Variants in MAJIN observed in about 807,000 individuals in gnomAD.
The protein encoded by MAJIN is membrane-anchored junction protein.
A neutral mutation model predicts 30.2 loss-of-function variants in MAJIN; 27 were observed. The observed-to-expected ratio is 0.89, with a 90% CI of 0.66 to 1.23. The LOEUF (loss-of-function observed/expected upper bound fraction) is 1.23. Ranked by LOEUF, MAJIN falls within the 50% of genes most tolerant of loss-of-function variation. The pLI, the probability that MAJIN is intolerant of heterozygous loss-of-function variation, is 0.00. For synonymous variants in MAJIN, 78 were observed against 91.6 expected, an observed-to-expected ratio of 0.85 and a Z score of 0.85; for missense variants, 253 against 260.3, an observed-to-expected ratio of 0.97 and a Z score of 0.19.
At chr11:64,954,827 A>G in intron 3 of MAJIN, 25 bp from the exon 4 acceptor site, 1 of 1,590,442 alleles carries the variant, frequency 6.3e-7, no homozygotes, top group Non-Finnish European at 8.6e-7. Flanking sequence ...GACAAGAGAC[A>G]AGTAAGACAT....
chr11:64,959,401 C>G lies in MAJIN; in HGVS notation c.5G>C (p.Ser2Thr). M[S>T]LKPFTYPFPE... The stretch of plus-strand genomic sequence containing the variant: ...AAACGGGTAGGTAAAGGGTTTTAAA[C>G]TCATTGCTCCCAAACGATAGCCTAA... Residue 2 changes from serine (S) to threonine (T), a missense_variant, in exon 3 of 11, where the codon AGT becomes ACT. Ser to Thr is a moderately conservative substitution (Grantham distance 58, BLOSUM62 1). Coordinates refer to ENST00000301896, the MANE Select transcript of MAJIN (RefSeq NM_001037225.3). The G allele has an allele frequency of 1.2e-6, 2 of 1,612,114 alleles. No individual in the cohort carries two copies. Among genetic ancestry groups the G allele is most frequent in the Non-Finnish European group, 1.7e-6 (2 of 1,178,184 alleles).
chr11:64,964,960 T>C (rs1353765523), intron 1 of MAJIN, among the ~76,000 whole-genome samples: 1 of 152,184 alleles, frequency 6.6e-6, no homozygotes, highest in Non-Finnish European at 1.5e-5. Flanking sequence ...CATTTGCTTG[T>C]CATAAAGCTC....
chr11:64,959,217 T>G, intron 3 of MAJIN, 88 bp downstream of exon 3: 1 of 989,794 alleles, frequency 1.0e-6, no homozygotes, highest in Non-Finnish European at 1.6e-6. Flanking sequence ...TCTCCTGAAC[T>G]GGGTGAAGGT....
intron 1 of MAJIN, among the ~76,000 whole-genome samples, chr11:64,968,825 CT>C (rs1451920572): frequency 6.8e-6 from 1 of 147,676 alleles, no homozygotes; most frequent in Non-Finnish European, 1.5e-5. Flanking sequence ...GAGCGAGACT[CT>C]GTCTCAAAAA....
chr11:64,971,160 G>C (rs1375867014), intron 1 of MAJIN, among the ~76,000 whole-genome samples: 2 of 152,134 alleles, frequency 1.3e-5, no homozygotes, highest in Admixed American at 6.5e-5. Flanking sequence ...GGGTATGGTG[G>C]CGGGCACCTG....
intron 8 of MAJIN, among the ~76,000 whole-genome samples, chr11:64,944,258 C>A (rs1007702931): frequency 2.0e-5 from 3 of 152,236 alleles, no homozygotes; most frequent in Admixed American, 2.0e-4. Flanking sequence ...ATTCGGACTT[C>A]TCCAGTAACA....
intron 6 of MAJIN, among the ~76,000 whole-genome samples, chr11:64,948,629 ATATATATATATTTTTTTTTTTTTT>A (rs1945494884): frequency 2.4e-5 from 1 of 41,746 alleles, no homozygotes; most frequent in East Asian, 1.2e-3. Flanking sequence ...ATATATATAT[ATATATATATATTTTTTTTTTTTTT>A]TTTTTTTTTT....
chr11:64,940,009 C>T (rs1021367792), intron 9 of MAJIN: 19 of 403,372 alleles, frequency 4.7e-5, no homozygotes, highest in African/African-American at 3.5e-4. Flanking sequence ...TCCAGCCATG[C>T]ACTCTGGCTG....
chr11:64,941,039 C>CT (rs1491253333), intron 8 of MAJIN, among the ~76,000 whole-genome samples: 1 of 151,628 alleles, frequency 6.6e-6, no homozygotes, highest in Non-Finnish European at 1.5e-5. Flanking sequence ...AGGGTTTCAC[C>CT]GTGTTAGCCA....
chr11:64,956,683 A>C (rs1194313545), intron 3 of MAJIN, among the ~76,000 whole-genome samples: 1 of 149,984 alleles, frequency 6.7e-6, no homozygotes, highest in African/African-American at 2.4e-5. Flanking sequence ...GTTTTGTCAC[A>C]GGGTCAAAGA....
chr11:64,957,019 G>A (rs1304217652), intron 3 of MAJIN, among the ~76,000 whole-genome samples: 3 of 151,700 alleles, frequency 2.0e-5, no homozygotes, highest in East Asian at 1.9e-4. Flanking sequence ...CGCCTGCCTC[G>A]GCCTCCCAAA....
chr11:64,939,117 T>A (rs1036205240), intron 10 of MAJIN, among the ~76,000 whole-genome samples: 35 of 152,182 alleles, frequency 2.3e-4, no homozygotes, highest in African/African-American at 8.4e-4. Context: ...TTTATTTTTT[T>A]AATCTCGGCT....
At chr11:64,952,821 C>T (rs1945574619) in intron 4 of MAJIN, among the ~76,000 whole-genome samples, 1 of 152,184 alleles carries the variant, frequency 6.6e-6, no homozygotes, top group Non-Finnish European at 1.5e-5. Context: ...TCTCCTGCCT[C>T]AGCCTCCTGA....
At position 64,938,455 on chromosome 11, in the gene MAJIN, T is replaced by A; in HGVS notation, c.*120A>T. The A allele has an allele frequency of 6.8e-7, 1 of 1,461,420 alleles. No homozygotes were observed. The highest frequency in any genetic ancestry group is 9.3e-7 in the Non-Finnish European group (1 of 1,079,552). 90.5% of individuals were successfully genotyped at this position (1,461,420 alleles called of 1,614,324 possible). On this transcript the variant is annotated 3_prime_UTR_variant, in exon 11 of 11. Coordinates refer to ENST00000301896, the MANE Select transcript of MAJIN (RefSeq NM_001037225.3). Reference sequence around the variant, plus strand: ...AAGTGTCATAAGAAAAGGATAGAGTTGGAGGAAGAATGGCTCGGGAGGAGT... The same window carrying A: ...AAGTGTCATAAGAAAAGGATAGAGTAGGAGGAAGAATGGCTCGGGAGGAGT...
chr11:64,950,568 C>A, intron 4 of MAJIN, 138 bp from the exon 5 acceptor site: 1 of 714,368 alleles, frequency 1.4e-6, no homozygotes, highest in South Asian at 2.0e-5. Context: ...TGTTCTGATT[C>A]TCCATTTCTT....
At chr11:64,940,530 G>T in intron 9 of MAJIN, 44 bp downstream of exon 9, 1 of 1,568,244 alleles carries the variant, frequency 6.4e-7, no homozygotes. Flanking sequence ...CAAGGGAAAG[G>T]GTGATTATTA....
intron 6 of MAJIN, among the ~76,000 whole-genome samples, chr11:64,949,403 G>A (rs1348483279): frequency 6.6e-6 from 1 of 152,066 alleles, no homozygotes; most frequent in East Asian, 1.9e-4. Flanking sequence ...CTAATGGAAG[G>A]GTTTATATAA....
intron 1 of MAJIN, among the ~76,000 whole-genome samples, chr11:64,962,400 G>GT (rs1945741554): frequency 1.3e-5 from 2 of 152,184 alleles, no homozygotes; most frequent in African/African-American, 4.8e-5. Flanking sequence ...ATTTCACAGG[G>GT]TTATTTTCCA....
intron 9 of MAJIN, among the ~76,000 whole-genome samples, chr11:64,940,224 G>T (rs1214459657): frequency 6.6e-6 from 1 of 152,192 alleles, no homozygotes; most frequent in Non-Finnish European, 1.5e-5. Context: ...AAAGGGAAGA[G>T]ATCATTCTCC....
Sources: gnomAD v4.1 joint callset for allele counts (sites outside exome capture counted in the v4.1 genomes callset) on GRCh38, gnomAD v4.1.1 for gene constraint, MANE v1.5 for transcripts, NCBI Gene and HGNC (gene_info 2026-07-23, HGNC 2026-07-21) for gene names.